CXCL10: variants seen among roughly 807,000 people sequenced by gnomAD.
CXCL10 encodes the protein C-X-C motif chemokine 10.
A neutral mutation model predicts 10.8 loss-of-function variants in CXCL10; 6 were observed. The ratio of observed to expected loss-of-function variants is 0.55; its 90% CI spans 0.30 to 1.09. CXCL10 has a LOEUF of 1.09. Among genes scored for constraint, CXCL10 ranks in the 50% least tolerant of loss-of-function variants. CXCL10 has a pLI of 0.06. For synonymous variants in CXCL10, 35 were observed against 35.8 expected, an observed-to-expected ratio of 0.98 and a Z score of 0.08; for missense variants, 114 against 114.3, an observed-to-expected ratio of 1.00 and a Z score of 0.01.
rs532476354 is a variant in CXCL10, at chr4:76,022,406, T to G, written c.238A>C (p.Lys80Gln). 1 of 1,613,678 alleles carries G rather than the reference T, an allele frequency of 6.2e-7. No individual in the cohort carries two copies. The highest frequency in any genetic ancestry group is 2.2e-5 in the East Asian group (1 of 44,886). The stretch of plus-strand genomic sequence containing the variant: ...GCTTTCAGTAAATTCTTGATGGCCT[T>G]CGATTCTGGATTCAGACATCTCTTC... ...GEKRCLNPES[K>Q]AIKNLLKAVS... The change falls in exon 3 of 4, where the codon AAG becomes CAG. Residue 80 changes from lysine (K) to glutamine (Q), a missense_variant. Lys to Gln is a moderately conservative substitution (Grantham distance 53). Transcript: ENST00000306602.
At chr4:76,022,952 A>G (rs146309314) in intron 1 of CXCL10, 135 bp from the exon 2 acceptor site, 283 of 803,568 alleles carry the variant, frequency 3.5e-4, no homozygotes, top group Non-Finnish European at 5.0e-4. Flanking sequence ...GGAATGGATC[A>G]CATCATAACA....
chr4:76,023,348 A>G, intron 1 of CXCL10, 23 bp downstream of exon 1: 1 of 1,573,694 alleles, frequency 6.4e-7, no homozygotes, highest in Non-Finnish European at 8.7e-7. Flanking sequence ...TTTACAAATT[A>G]AGTATCCTTT....
At chr4:76,022,885 G>C in intron 1 of CXCL10, 68 bp from the exon 2 acceptor site, 1 of 1,523,802 alleles carries the variant, frequency 6.6e-7, no homozygotes, top group Non-Finnish European at 8.9e-7. Context: ...ATGTAGACTG[G>C]TGGTATTTAG....
intron 3 of CXCL10, 93 bp downstream of exon 3, chr4:76,022,273 C>A: frequency 9.8e-7 from 1 of 1,023,390 alleles, no homozygotes; most frequent in Non-Finnish European, 1.5e-6. Context: ...TTTAAACCAG[C>A]GATTGCACAG....
rs1268319416 is a variant in CXCL10 at position 76,022,701 on chromosome 4, C to T, written c.178G>A (p.Val60Ile). The T allele has an allele frequency of 3.1e-6, 5 of 1,613,634 alleles. No individual in the cohort carries two copies. The highest frequency in any genetic ancestry group is 1.6e-4 in the Middle Eastern group (1 of 6,072). The change falls in exon 2 of 4, where the codon GTT becomes ATT. Residue 60 changes from valine to isoleucine, a missense_variant. Coordinates refer to ENST00000306602, the MANE Select transcript of CXCL10 (RefSeq NM_001565.4). ...TGGGATTTCACTCACATGATCTCAACACGTGGACAAAATTGGCTTGCAGGA... is the reference window on the plus strand; with the variant it reads ...TGGGATTTCACTCACATGATCTCAATACGTGGACAAAATTGGCTTGCAGGA... ...IIPASQFCPR[V>I]EIIATMKKKG...
In CXCL10 at chr4:76,021,826, C is replaced by A. The variant is rs1732844872; in HGVS notation, c.*104G>T. ...TTTTAGTGTAACTGCAAACTAAGAA[C>A]AATTATGGCTTGACATATACTCCAT... On this transcript the variant is annotated 3_prime_UTR_variant, in exon 4 of 4. Transcript: ENST00000306602. 8.7e-7 allele frequency: 1 copy of A among 1,146,038 alleles called. No homozygotes were observed. Among genetic ancestry groups the A allele is most frequent in the South Asian group, 1.3e-5 (1 of 78,896 alleles). The allele number at this position is 1,146,038 out of a possible 1,614,324, so 71.0% of individuals were successfully genotyped here.
chr4:76,022,905 T>C (rs1204799270), intron 1 of CXCL10, 88 bp from the exon 2 acceptor site: 12 of 1,330,432 alleles, frequency 9.0e-6, no homozygotes, highest in Non-Finnish European at 1.2e-5. Context: ...GCAGAACCTA[T>C]ATCCCCATAT....
In CXCL10 at chr4:76,022,435, C is replaced by T; in HGVS notation, c.209G>A (p.Gly70Asp). ...TTCTGGATTCAGACATCTCTTCTCA[C>T]CCTTCTTTTTCATTGTAGCACTGTA... Reference protein sequence around the residue: ...VEIIATMKKKGEKRCLNPESK... With the variant: ...VEIIATMKKKDEKRCLNPESK... Residue 70 changes from glycine to aspartate, a missense_variant, in exon 3 of 4, where the codon GGT becomes GAT. Gly to Asp is a moderately conservative substitution (Grantham distance 94). Coordinates refer to ENST00000306602, the MANE Select transcript of CXCL10 (RefSeq NM_001565.4). 1 of 1,613,288 alleles carries T rather than the reference C, an allele frequency of 6.2e-7. No individual in the cohort carries two copies. The highest frequency in any genetic ancestry group is 8.5e-7 in the Non-Finnish European group (1 of 1,179,890).
At chr4:76,022,913 T>C (rs1349429213) in intron 1 of CXCL10, 96 bp from the exon 2 acceptor site, 5 of 1,231,498 alleles carry the variant, frequency 4.1e-6, no homozygotes, top group Non-Finnish European at 5.7e-6. Flanking sequence ...TATATCCCCA[T>C]ATCAGCAAAT....
intron 2 of CXCL10, 44 bp from the exon 3 acceptor site, chr4:76,022,499 G>T: frequency 6.3e-7 from 1 of 1,575,310 alleles, no homozygotes; most frequent in Non-Finnish European, 8.7e-7. Context: ...ACTGTGTTGG[G>T]TCAATAAAAC....
At chr4:76,022,957 A>G (rs953327450) in intron 1 of CXCL10, 140 bp from the exon 2 acceptor site, 4 of 797,336 alleles carry the variant, frequency 5.0e-6, no homozygotes, top group Non-Finnish European at 6.0e-6. Context: ...GGATCACATC[A>G]TAACACAACT....
In CXCL10 at chr4:76,021,707, C is replaced by T; in HGVS notation, c.*223G>A. On this transcript the variant is annotated 3_prime_UTR_variant, in exon 4 of 4. Transcript: ENST00000306602. Reference sequence around the variant, plus strand: ...CTCAGTAGAGCTTACATTATAGTGCCAGGGTAGAGTTATTACTGAATAGCT... The same window carrying T: ...CTCAGTAGAGCTTACATTATAGTGCTAGGGTAGAGTTATTACTGAATAGCT... 1.8e-6 allele frequency: 1 copy of T among 557,264 alleles called. No individual in the cohort carries two copies. Among genetic ancestry groups the T allele is most frequent in the Non-Finnish European group, 3.2e-6 (1 of 308,832 alleles). The allele number at this position is 557,264 out of a possible 1,614,324, so 34.5% of individuals were successfully genotyped here.
At chr4:76,022,483 T>G (rs1732943014) in intron 2 of CXCL10, 28 bp from the exon 3 acceptor site, 1 of 1,597,240 alleles carries the variant, frequency 6.3e-7, no homozygotes, top group Non-Finnish European at 8.6e-7. Context: ...GATGAAAATA[T>G]TTAAAACTGT....
intron 1 of CXCL10, 151 bp downstream of exon 1, chr4:76,023,220 G>T: frequency 3.1e-6 from 2 of 644,528 alleles, no homozygotes; most frequent in Non-Finnish European, 5.4e-6. Flanking sequence ...ATTCATATAA[G>T]TTTTATGATC....
rs985982118 is a variant in CXCL10, at chr4:76,022,615, TTTTA to T, written c.188+72_188+75del. 20 of 1,514,572 alleles carry T rather than the reference TTTTA, an allele frequency of 1.3e-5. No individual in the cohort carries two copies. In the African/African-American group the frequency reaches 2.1e-4, roughly 16 times the overall value. 93.8% of individuals were successfully genotyped at this position (1,514,572 alleles called of 1,614,324 possible). On this transcript the variant is annotated intron_variant, in intron 2 of 3. Coordinates refer to ENST00000306602, the MANE Select transcript of CXCL10 (RefSeq NM_001565.4). ...CATCACAAACCCTTTACTGATCTTT[TTTTA>T]TTATCATTACATATTTAATACAGTA...
rs377480085 is a variant in CXCL10 at position 76,023,451 on chromosome 4, C to A, written c.-20G>T. 1.3e-5 allele frequency: 21 copies of A among 1,610,922 alleles called. No homozygotes were observed. Among genetic ancestry groups the A allele is most frequent in the Non-Finnish European group, 1.8e-5 (21 of 1,177,132 alleles). On this transcript the variant is annotated 5_prime_UTR_variant, in exon 1 of 4. Coordinates refer to ENST00000306602, the MANE Select transcript of CXCL10 (RefSeq NM_001565.4). ...ATTCATGGTGCTGAGACTGGAGGTT[C>A]CTCTGCTGTAGGCTCAGAATATGTC... is the stretch of plus-strand genomic sequence containing the variant.
intron 2 of CXCL10, 35 bp downstream of exon 2, chr4:76,022,656 C>G: frequency 3.7e-6 from 6 of 1,605,682 alleles, no homozygotes; most frequent in Non-Finnish European, 5.1e-6. Context: ...ATAATTACAA[C>G]CAGGGAAGTG....
At position 76,021,807 on chromosome 4, in the gene CXCL10, T is replaced by G. The variant is rs953813423; in HGVS notation, c.*123A>C. 2.1e-6 allele frequency: 2 copies of G among 952,316 alleles called. No homozygotes were observed. The highest frequency in any genetic ancestry group is 3.4e-6 in the Non-Finnish European group (2 of 588,800). 59.0% of individuals were successfully genotyped at this position (952,316 alleles called of 1,614,324 possible). A position where few individuals can be genotyped will look rare whatever the true frequency, so the allele number is the denominator to read the frequency against. On this transcript the variant is annotated 3_prime_UTR_variant, in exon 4 of 4. Coordinates refer to ENST00000306602, the MANE Select transcript of CXCL10 (RefSeq NM_001565.4). Reference sequence around the variant, plus strand: ...GTGACCATCATTGGTCACCTTTTAGTGTAACTGCAAACTAAGAACAATTAT... The same window carrying G: ...GTGACCATCATTGGTCACCTTTTAGGGTAACTGCAAACTAAGAACAATTAT...
chr4:76,022,042 TAACTG>T, intron 3 of CXCL10, 94 bp from the exon 4 acceptor site: 1 of 1,184,360 alleles, frequency 8.4e-7, no homozygotes, highest in Non-Finnish European at 1.3e-6. Flanking sequence ...ATAGAATAGA[TAACTG>T]AGCTTTCCTG....
Sources: gnomAD v4.1 joint callset for allele counts on GRCh38, gnomAD v4.1.1 for gene constraint, MANE v1.5 for transcripts, NCBI Gene and HGNC (gene_info 2026-07-23, HGNC 2026-07-21) for gene names.